The following TSGA10 variants were observed in gnomAD, a reference collection of about 807,000 sequenced individuals.
TSGA10 encodes testis-specific gene 10 protein.
Under a neutral mutation model 96.6 loss-of-function variants are expected in TSGA10, and 43 were observed. The observed-to-expected ratio is 0.44, with a 90% confidence interval of 0.35 to 0.57. The LOEUF (loss-of-function observed/expected upper bound fraction) is 0.57. Ranked by LOEUF, TSGA10 falls within the 20% of genes least tolerant of loss-of-function variation. The probability of loss-of-function intolerance (pLI) is 0.01; values close to 1 mark genes in which losing one functional copy is unlikely to be tolerated. For synonymous variants in TSGA10, 229 were observed against 269.9 expected (o/e 0.85, Z 1.48); for missense variants, 703 against 834.4 (o/e 0.84, Z 1.94).
chr2:99,027,658 C>CA (rs1558768722), intron 17 of TSGA10, among the ~76,000 whole-genome samples: 13 of 151,902 alleles, frequency 8.6e-5, no homozygotes, highest in African/African-American at 2.9e-4. Context: ...TCACATTATA[C>CA]TCCATAAATA....
intron 12 of TSGA10, among the ~76,000 whole-genome samples, chr2:99,073,987 T>C (rs898467822): frequency 4.0e-5 from 6 of 148,232 alleles, no homozygotes; most frequent in Non-Finnish European, 8.9e-5. Flanking sequence ...CCAATTCTGT[T>C]CCTGTTTCTT....
chr2:99,042,554 C>T (rs2082304105), intron 16 of TSGA10, among the ~76,000 whole-genome samples: 1 of 152,198 alleles, frequency 6.6e-6, no homozygotes, highest in Non-Finnish European at 1.5e-5. Flanking sequence ...TCTCTACCGT[C>T]AAGCCTAGGA....
At chr2:99,084,631 T>C (rs1011323369) in intron 10 of TSGA10, among the ~76,000 whole-genome samples, 4 of 152,150 alleles carry the variant, frequency 2.6e-5, no homozygotes, top group African/African-American at 4.8e-5. Flanking sequence ...TATTTCTTTA[T>C]GGCAACACAA....
At chr2:99,089,846 C>T (rs1038198208) in intron 10 of TSGA10, among the ~76,000 whole-genome samples, 7 of 152,298 alleles carry the variant, frequency 4.6e-5, no homozygotes, top group African/African-American at 1.7e-4. Flanking sequence ...AGACAAAGGT[C>T]ATATTCTCTT....
intron 12 of TSGA10, among the ~76,000 whole-genome samples, chr2:99,073,583 T>A (rs2086235015): frequency 6.6e-6 from 1 of 152,224 alleles, no homozygotes; most frequent in Non-Finnish European, 1.5e-5. Flanking sequence ...AAAAAGCTGT[T>A]CCAATCCAAT....
chr2:99,117,507 G>A (rs879327798), intron 4 of TSGA10, 37 bp downstream of exon 4: 5 of 937,812 alleles, frequency 5.3e-6, no homozygotes, highest in Non-Finnish European at 6.4e-6. Context: ...GATGTTTAAA[G>A]TAAAATTAAA....
chr2:99,073,132 T>C (rs890796997), intron 12 of TSGA10, 59 bp from the exon 13 acceptor site: 14 of 1,192,328 alleles, frequency 1.2e-5, no homozygotes, highest in African/African-American at 3.1e-5. Context: ...TCTGTTAAAA[T>C]TGAATGAACA....
chr2:99,122,287 C>T (rs2092612570), intron 2 of TSGA10, among the ~76,000 whole-genome samples: 1 of 151,984 alleles, frequency 6.6e-6, no homozygotes, highest in African/African-American at 2.4e-5. Context: ...CTTGTTTGAT[C>T]TTTTTCTACC....
chr2:99,108,304 T>C (rs2091521469), intron 7 of TSGA10, among the ~76,000 whole-genome samples: 1 of 152,124 alleles, frequency 6.6e-6, no homozygotes, highest in African/African-American at 2.4e-5. Context: ...TGTTAAAAAA[T>C]TGTGATACTT....
chr2:99,136,935 T>C (rs1282636744), intron 1 of TSGA10, among the ~76,000 whole-genome samples: 1 of 151,298 alleles, frequency 6.6e-6, no homozygotes, highest in Non-Finnish European at 1.5e-5. Context: ...GAGCACTTAA[T>C]GCATTATATT....
At chr2:99,097,581 C>G (rs1206229663) in intron 10 of TSGA10, among the ~76,000 whole-genome samples, 1 of 152,020 alleles carries the variant, frequency 6.6e-6, no homozygotes, top group Non-Finnish European at 1.5e-5. Context: ...TTTATGACTT[C>G]TAGAATGATT....
At chr2:99,117,403 TAGAAC>T (rs1461994187) in intron 4 of TSGA10, 136 bp downstream of exon 4, 4 of 241,146 alleles carry the variant, frequency 1.7e-5, no homozygotes, top group Non-Finnish European at 2.7e-5. Flanking sequence ...ATTTAATCCT[TAGAAC>T]AGACATTTAA....
chr2:99,123,219 T>C (rs2092669809), intron 2 of TSGA10, among the ~76,000 whole-genome samples: 1 of 152,222 alleles, frequency 6.6e-6, no homozygotes, highest in African/African-American at 2.4e-5. Context: ...TTTCTTTGGG[T>C]GACTCCTGTT....
intron 19 of TSGA10, 89 bp from the exon 20 acceptor site, chr2:99,018,438 T>C (rs1276199675): frequency 4.5e-6 from 7 of 1,570,146 alleles, no homozygotes; most frequent in Non-Finnish European, 5.2e-6. Context: ...CTTGAAAATC[T>C]AACCATCATG....
At chr2:99,096,599 TC>T (rs1292774096) in intron 10 of TSGA10, among the ~76,000 whole-genome samples, 5 of 152,242 alleles carry the variant, frequency 3.3e-5, no homozygotes, top group Non-Finnish European at 5.9e-5. Context: ...AAATTTTGCT[TC>T]CAGTGTTGTA....
intron 1 of TSGA10, among the ~76,000 whole-genome samples, chr2:99,139,413 T>C (rs543758554): frequency 3.9e-5 from 6 of 152,216 alleles, no homozygotes; most frequent in Non-Finnish European, 5.9e-5. Context: ...CAACAAATTA[T>C]TGATTTTTTG....
chr2:99,003,365 C>A (rs893202878), intron 20 of TSGA10, among the ~76,000 whole-genome samples: 2 of 152,072 alleles, frequency 1.3e-5, no homozygotes, highest in Non-Finnish European at 2.9e-5. Context: ...ACTTTAACAC[C>A]CCACTGTCAA....
At chr2:99,138,052 C>T (rs1445264575) in intron 1 of TSGA10, among the ~76,000 whole-genome samples, 1 of 152,128 alleles carries the variant, frequency 6.6e-6, no homozygotes, top group African/African-American at 2.4e-5. Flanking sequence ...TCTTAGAATT[C>T]CCAGTCTCCA....
intron 17 of TSGA10, among the ~76,000 whole-genome samples, chr2:99,022,341 A>C (rs996971143): frequency 3.3e-5 from 5 of 150,986 alleles, no homozygotes; most frequent in African/African-American, 4.9e-5. Flanking sequence ...AAAAAAAAAA[A>C]AAAAAAAAAA....
Sources: allele counts gnomAD v4.1 joint callset (sites outside exome capture counted in the v4.1 genomes callset), GRCh38; gene constraint gnomAD v4.1.1; transcripts MANE v1.5; gene names NCBI Gene and HGNC (gene_info 2026-07-23, HGNC 2026-07-21).